Variants in CDH13 observed in about 807,000 individuals in gnomAD.
CDH13 encodes the protein cadherin-13.
A neutral mutation model predicts 63.8 loss-of-function variants in CDH13; 24 were observed. The observed-to-expected ratio is 0.38, with a 90% CI of 0.27 to 0.53. The LOEUF (loss-of-function observed/expected upper bound fraction) is 0.53, where lower values mean the gene tolerates loss of function less well. CDH13 is among the 20% of genes least tolerant of loss of function. The pLI is 0.85. For synonymous variants in CDH13, 503 were observed against 355.3 expected, an observed-to-expected ratio of 1.42 and a Z score of -4.67; for missense variants, 1,049 against 903.1, an observed-to-expected ratio of 1.16 and a Z score of -2.07.
intron 6 of CDH13, among the ~76,000 whole-genome samples, chr16:83,482,703 C>T (rs1420360221): frequency 6.6e-6 from 1 of 152,146 alleles, no homozygotes; most frequent in Non-Finnish European, 1.5e-5. Context: ...GTCTTAGAGG[C>T]CGACTAGAGG....
rs549460564 is a variant in CDH13 at position 83,095,954 on chromosome 16, G to A, written c.367-29431G>A. The stretch of plus-strand genomic sequence containing the variant: ...TTCAGGGGATCTGTTCAAGTTCACC[G>A]GAAGGCAGAGTTTTTAGCAATTTTT... On this transcript the variant is annotated intron_variant, in intron 3 of 13. Transcript: ENST00000567109. 8.1e-4 allele frequency among the ~76,000 whole-genome samples: 124 copies of A among 152,284 alleles called. 1 individual carries two copies. The highest frequency in any genetic ancestry group is 2.7e-3 in the African/African-American group (112 of 41,578).
intron 1 of CDH13, among the ~76,000 whole-genome samples, chr16:82,790,280 C>CTCTACTA (rs2036234615): frequency 6.6e-6 from 1 of 152,022 alleles, no homozygotes; most frequent in Admixed American, 6.6e-5. Flanking sequence ...ACTAAAAACA[C>CTCTACTA]AAAAATTAGC....
intron 1 of CDH13, among the ~76,000 whole-genome samples, chr16:82,834,386 T>C (rs752101978): frequency 2.0e-5 from 3 of 152,142 alleles, no homozygotes; most frequent in Admixed American, 6.5e-5. Flanking sequence ...TATCTGTCGA[T>C]TCAAAGAGCA....
At chr16:83,768,956 C>A (rs1914584153) in intron 11 of CDH13, among the ~76,000 whole-genome samples, 1 of 152,200 alleles carries the variant, frequency 6.6e-6, no homozygotes, top group African/African-American at 2.4e-5. Context: ...CCCAGTAGGT[C>A]TCATCCTCAT....
chr16:82,684,502 G>C (rs1459635946), intron 1 of CDH13, among the ~76,000 whole-genome samples: 1 of 152,176 alleles, frequency 6.6e-6, no homozygotes, highest in African/African-American at 2.4e-5. Flanking sequence ...CCATGTGCAC[G>C]GGTAGAGAAG....
chr16:83,020,856 C>A (rs1264083264), intron 2 of CDH13, among the ~76,000 whole-genome samples: 3 of 152,170 alleles, frequency 2.0e-5, no homozygotes, highest in Non-Finnish European at 4.4e-5. Context: ...GGGTCTGAAT[C>A]CCAATTTAGG....
rs777650762 is a variant in CDH13, at chr16:83,106,196, C to T, written c.367-19189C>T. On this transcript the variant is annotated intron_variant, in intron 3 of 13. Coordinates refer to ENST00000567109, the MANE Select transcript of CDH13 (RefSeq NM_001257.5). Reference sequence around the variant, plus strand: ...AAAGCAAATGAAACTCTACCTACAACGTCACTTTATTTGCCTTTCATTTAT... The same window carrying T: ...AAAGCAAATGAAACTCTACCTACAATGTCACTTTATTTGCCTTTCATTTAT... Among the ~76,000 whole-genome samples, 109 of 152,208 alleles carry T rather than the reference C, an allele frequency of 7.2e-4. 1 individual carries two copies. The highest frequency in any genetic ancestry group is 3.7e-3 in the Admixed American group (57 of 15,280).
At chr16:83,350,838 T>G (rs1285112299) in intron 6 of CDH13, among the ~76,000 whole-genome samples, 1 of 152,186 alleles carries the variant, frequency 6.6e-6, no homozygotes, top group African/African-American at 2.4e-5. Flanking sequence ...GTCTTTTATT[T>G]TTCCTCCAGG....
intron 2 of CDH13, among the ~76,000 whole-genome samples, chr16:82,933,123 G>C (rs17743405): frequency 0.093 from 14,101 of 152,054 alleles, 719 homozygotes; most frequent in South Asian, 0.15. Flanking sequence ...GCAGTTACAT[G>C]TTGTATTAGT....
intron 1 of CDH13, among the ~76,000 whole-genome samples, chr16:82,852,360 G>A (rs973575656): frequency 1.7e-4 from 26 of 152,272 alleles, no homozygotes; most frequent in Admixed American, 1.1e-3. Flanking sequence ...CTTGTGGGGC[G>A]GTTCTCCCGA....
intron 3 of CDH13, among the ~76,000 whole-genome samples, chr16:83,061,617 A>G (rs1052154560): frequency 1.3e-5 from 2 of 152,208 alleles, no homozygotes; most frequent in Non-Finnish European, 2.9e-5. Context: ...CAAAATTGTC[A>G]CCAAATGACT....
chr16:83,321,376 C>T (rs1260520677), intron 5 of CDH13, among the ~76,000 whole-genome samples: 1 of 152,160 alleles, frequency 6.6e-6, no homozygotes, highest in Non-Finnish European at 1.5e-5. Context: ...ACGTCACTCA[C>T]CCTTCATTGG....
chr16:82,878,028 A>G (rs1222732143), intron 2 of CDH13, among the ~76,000 whole-genome samples: 2 of 152,048 alleles, frequency 1.3e-5, no homozygotes, highest in Non-Finnish European at 2.9e-5. Context: ...CGAAAGTAAG[A>G]TATAGTAAAA....
chr16:82,801,053 C>T lies in CDH13; in HGVS notation c.46-57309C>T, dbSNP rs188396905. Among the ~76,000 whole-genome samples, 11 of 152,276 alleles carry T rather than the reference C, an allele frequency of 7.2e-5. No homozygotes were observed. The East Asian group carries it at 1.7e-3, about 24-fold the overall frequency. On this transcript the variant is annotated intron_variant, in intron 1 of 13. Transcript: ENST00000567109. The stretch of plus-strand genomic sequence containing the variant: ...GAGCAAAGATTAGGACCAGTGTTTA[C>T]AAATTTTTCAAGTACTCTCAGGAGC...
intron 1 of CDH13, among the ~76,000 whole-genome samples, chr16:82,661,611 A>C (rs1911955664): frequency 6.6e-6 from 1 of 152,228 alleles, no homozygotes. Flanking sequence ...GAGCCTGTGC[A>C]ACTCCAAAAG....
intron 10 of CDH13, among the ~76,000 whole-genome samples, chr16:83,746,964 C>CAGT (rs1912640576): frequency 6.6e-6 from 1 of 152,224 alleles, no homozygotes; most frequent in African/African-American, 2.4e-5. Flanking sequence ...CCCCTTAAAA[C>CAGT]AGTAGTTCAG....
intron 2 of CDH13, among the ~76,000 whole-genome samples, chr16:83,006,903 T>TG (rs1913561995): frequency 7.0e-6 from 1 of 142,332 alleles, no homozygotes; most frequent in African/African-American, 2.6e-5. Context: ...GTTTTGATTT[T>TG]TTTTGTTTGT....
intron 7 of CDH13, among the ~76,000 whole-genome samples, chr16:83,588,584 G>C (rs2150732760): frequency 6.6e-6 from 1 of 152,274 alleles, no homozygotes; most frequent in Middle Eastern, 3.4e-3. Flanking sequence ...CAGAATCCTT[G>C]CCCTCACCAA....
At chr16:83,569,593 C>T (rs1487093057) in intron 7 of CDH13, among the ~76,000 whole-genome samples, 1 of 152,174 alleles carries the variant, frequency 6.6e-6, no homozygotes, top group African/African-American at 2.4e-5. Flanking sequence ...TTGTGAAATC[C>T]CTCCAGATTC....
Sources: allele counts gnomAD v4.1 joint callset (sites outside exome capture counted in the v4.1 genomes callset), GRCh38; gene constraint gnomAD v4.1.1; transcripts MANE v1.5; gene names NCBI Gene and HGNC (gene_info 2026-07-23, HGNC 2026-07-21).